Variants in MAPK10 observed in about 807,000 individuals in gnomAD.
MAPK10 encodes the protein mitogen-activated protein kinase 10.
A neutral mutation model predicts 59.3 loss-of-function variants in MAPK10; 25 were observed. That is an observed-to-expected ratio of 0.42 (90% CI 0.31 to 0.59). The LOEUF is 0.59. MAPK10 is among the 20% of genes least tolerant of loss of function. MAPK10 has a pLI of 0.15. For missense variants in MAPK10, 351 were observed against 568.9 expected, an observed-to-expected ratio of 0.62 and a Z score of 3.90; for synonymous variants, 190 against 200.5, an observed-to-expected ratio of 0.95 and a Z score of 0.44.
At chr4:86,569,172 C>T (rs1037879419) in intron 1 of MAPK10, among the ~76,000 whole-genome samples, 3 of 152,042 alleles carry the variant, frequency 2.0e-5, no homozygotes, top group Admixed American at 6.6e-5. Flanking sequence ...AAAAGACATA[C>T]AAGCGGCCAA....
intron 1 of MAPK10, among the ~76,000 whole-genome samples, chr4:86,477,040 C>A (rs1753148904): frequency 6.6e-6 from 1 of 152,184 alleles, no homozygotes; most frequent in Admixed American, 6.5e-5. Context: ...CTTCCCAGAT[C>A]CTCTCGGCTT....
intron 1 of MAPK10, among the ~76,000 whole-genome samples, chr4:86,392,690 A>T (rs150962630): frequency 4.7e-4 from 71 of 152,358 alleles, no homozygotes; most frequent in Admixed American, 8.5e-4. Flanking sequence ...AGTGTCAGAT[A>T]CATAAAAGGT....
chr4:86,267,020 C>A (rs2094269259), intron 2 of MAPK10, among the ~76,000 whole-genome samples: 1 of 152,030 alleles, frequency 6.6e-6, no homozygotes. Context: ...AGGAGCCAAG[C>A]TGTATGAATC....
At chr4:86,295,230 C>A (rs910286522) in intron 2 of MAPK10, among the ~76,000 whole-genome samples, 28 of 152,130 alleles carry the variant, frequency 1.8e-4, no homozygotes, top group African/African-American at 5.8e-4. Context: ...CCCCCTCGGG[C>A]CCCACGCCCT....
At chr4:86,044,079 C>T (rs1579072997) in intron 11 of MAPK10, among the ~76,000 whole-genome samples, 1 of 152,188 alleles carries the variant, frequency 6.6e-6, no homozygotes, top group Middle Eastern at 3.4e-3. Context: ...GGGAAAAAGG[C>T]GACTTTATCT....
At chr4:86,319,199 G>A (rs1187346344) in intron 2 of MAPK10, among the ~76,000 whole-genome samples, 2 of 152,114 alleles carry the variant, frequency 1.3e-5, no homozygotes, top group Non-Finnish European at 2.9e-5. Context: ...TGGGAGGTGA[G>A]AACTAGGGAA....
chr4:86,530,907 G>C (rs1757802232), intron 1 of MAPK10, among the ~76,000 whole-genome samples: 1 of 152,150 alleles, frequency 6.6e-6, no homozygotes, highest in East Asian at 1.9e-4. Context: ...GTGTAAATGA[G>C]ACAAGAAGAC....
At chr4:86,124,843 G>A (rs951533655) in intron 4 of MAPK10, 47 of 151,816 alleles carry the variant, frequency 3.1e-4, no homozygotes, top group Admixed American at 9.2e-4. Flanking sequence ...ATTGAAATAT[G>A]ATTTTAAAGG....
chr4:86,073,875 T>C (rs1464013340), intron 9 of MAPK10, among the ~76,000 whole-genome samples: 2 of 115,478 alleles, frequency 1.7e-5, no homozygotes, highest in Non-Finnish European at 3.6e-5. Flanking sequence ...ATTCTGTTGA[T>C]TTGGGGTGGT....
intron 9 of MAPK10, among the ~76,000 whole-genome samples, chr4:86,073,282 C>G (rs1271618737): frequency 6.7e-6 from 1 of 149,694 alleles, no homozygotes; most frequent in Non-Finnish European, 1.5e-5. Context: ...GTTCTTCTCT[C>G]TTTTTTTCTT....
rs148065567 is a variant in MAPK10 at position 86,430,597 on chromosome 4, A to T, written c.-122+22433T>A. Among the ~76,000 whole-genome samples the T allele has an allele frequency of 6.0e-3, 920 of 152,326 alleles. 7 individuals carry two copies. Among genetic ancestry groups the T allele is most frequent in the African/African-American group, 0.02 (822 of 41,576 alleles). On this transcript the variant is annotated intron_variant, in intron 1 of 13. Coordinates refer to the MAPK10 transcript ENST00000361569. The stretch of plus-strand genomic sequence containing the variant: ...CTATGAAGGCTATTATAGGATTGCA[A>T]GAAAGGCATATAATCTAAGGAGTAC...
chr4:86,286,016 C>T (rs1197718193), intron 2 of MAPK10, among the ~76,000 whole-genome samples: 1 of 152,240 alleles, frequency 6.6e-6, no homozygotes, highest in African/African-American at 2.4e-5. Context: ...ATACTCTTTA[C>T]TTGGTCCACC....
At chr4:86,138,966 A>G (rs2062915465) in intron 4 of MAPK10, among the ~76,000 whole-genome samples, 1 of 143,576 alleles carries the variant, frequency 7.0e-6, no homozygotes, top group African/African-American at 2.4e-5. Flanking sequence ...CTAGGAATCC[A>G]ATTTACAAGG....
rs560053239 is a variant in MAPK10, at chr4:86,145,234, C to T, written c.236+14064G>A. On this transcript the variant is annotated intron_variant, in intron 4 of 13. Transcript: ENST00000641462. ...ATCTCTAGCCGGGCGTGGTGGCGCG[C>T]GCCTGTAGTCCCAGCTACACGGGAG... is the stretch of plus-strand genomic sequence containing the variant. Among the ~76,000 whole-genome samples the T allele has an allele frequency of 4.5e-4, 41 of 91,964 alleles. 7 individuals are homozygous for T. The highest frequency in any genetic ancestry group is 1.8e-3 in the African/African-American group (29 of 15,732). The allele number at this position is 91,964 out of a possible 152,430, so 60.3% of individuals were successfully genotyped here.
intron 2 of MAPK10, among the ~76,000 whole-genome samples, chr4:86,323,306 G>A (rs867710990): frequency 2.6e-4 from 39 of 152,250 alleles, no homozygotes; most frequent in African/African-American, 8.4e-4. Flanking sequence ...GTGTCATCTC[G>A]AAGTCTCTAA....
intron 4 of MAPK10, among the ~76,000 whole-genome samples, chr4:86,147,779 T>A (rs1294573883): frequency 2.0e-5 from 3 of 152,218 alleles, no homozygotes; most frequent in Non-Finnish European, 4.4e-5. Flanking sequence ...AATTTTCATA[T>A]TACTAACTCA....
intron 1 of MAPK10, among the ~76,000 whole-genome samples, chr4:86,487,706 G>C (rs941605852): frequency 8.7e-5 from 13 of 148,808 alleles, no homozygotes; most frequent in African/African-American, 2.7e-4. Context: ...ACTCCAGCCT[G>C]GGCAACAGCA....
chr4:86,324,880 C>G (rs2095986481), intron 2 of MAPK10, among the ~76,000 whole-genome samples: 1 of 152,098 alleles, frequency 6.6e-6, no homozygotes, highest in African/African-American at 2.4e-5. Flanking sequence ...TACACATAGA[C>G]TATAAAACTC....
At chr4:86,329,739 A>C (rs1250903685) in intron 2 of MAPK10, among the ~76,000 whole-genome samples, 1 of 152,170 alleles carries the variant, frequency 6.6e-6, no homozygotes, top group African/African-American at 2.4e-5. Context: ...CTTATCCTCT[A>C]GTCTCCACCG....
Sources: gnomAD v4.1 joint callset for allele counts (sites outside exome capture counted in the v4.1 genomes callset) on GRCh38, gnomAD v4.1.1 for gene constraint, MANE v1.5 for transcripts, NCBI Gene and HGNC (gene_info 2026-07-23, HGNC 2026-07-21) for gene names.